Variants in PLAT observed in about 807,000 individuals in gnomAD.
PLAT encodes plasminogen activator, tissue type, also known as tissue-type plasminogen activator.
Under a neutral mutation model 74.9 loss-of-function variants are expected in PLAT, and 48 were observed. The observed-to-expected ratio is 0.64, with a 90% CI of 0.51 to 0.82. The LOEUF (loss-of-function observed/expected upper bound fraction) is 0.82, where lower values mean the gene tolerates loss of function less well. Among genes scored for constraint, PLAT ranks in the 40% least tolerant of loss-of-function variants. The pLI, the probability that PLAT is intolerant of heterozygous loss-of-function variation, is 0.00. For missense variants in PLAT, 673 were observed against 736.2 expected (o/e 0.91, Z 0.99); for synonymous variants, 307 against 294.4 (o/e 1.04, Z -0.44).
At chr8:42,201,779 A>C (rs1316333814) in intron 1 of PLAT, among the ~76,000 whole-genome samples, 1 of 152,256 alleles carries the variant, frequency 6.6e-6, no homozygotes, top group African/African-American at 2.4e-5. Flanking sequence ...CTGAGACATC[A>C]GGCCATCTCT....
intron 7 of PLAT, among the ~76,000 whole-genome samples, chr8:42,184,543 A>G (rs1805374679): frequency 6.6e-6 from 1 of 151,532 alleles, no homozygotes; most frequent in South Asian, 2.1e-4. Flanking sequence ...TATTTTTAGT[A>G]GAGACAGGGT....
chr8:42,186,859 A>G (rs1805487546), intron 6 of PLAT: 1 of 144,786 alleles, frequency 6.9e-6, no homozygotes, highest in Non-Finnish European at 1.5e-5. Flanking sequence ...TCTATCACCT[A>G]TCATCTATCA....
At chr8:42,187,844 G>C (rs1312266930) in intron 5 of PLAT, 62 bp downstream of exon 5, 1 of 1,173,114 alleles carries the variant, frequency 8.5e-7, no homozygotes, top group Non-Finnish European at 1.3e-6. Context: ...CTTTCCTTCC[G>C]GGGGCGGGGG....
chr8:42,205,917 T>C (rs1806313904), intron 1 of PLAT, among the ~76,000 whole-genome samples: 1 of 152,230 alleles, frequency 6.6e-6, no homozygotes, highest in South Asian at 2.1e-4. Flanking sequence ...GCCTGACTGT[T>C]TTTTGGAATC....
rs777001661 is a variant in PLAT at position 42,178,970 on chromosome 8, A to G, written c.1457T>C (p.Val486Ala). 3.7e-6 allele frequency: 6 copies of G among 1,613,996 alleles called. No homozygotes were observed. Among genetic ancestry groups the G allele is most frequent in the Admixed American group, 1.7e-5 (1 of 60,010 alleles). Residue 486 changes from valine to alanine, a missense_variant, in exon 13 of 14, where the codon GTC becomes GCC. Physicochemically the swap from Val to Ala is moderately conservative, Grantham distance 64 (BLOSUM62 0). Transcript: ENST00000220809. ...CTSQHLLNRTVTDNMLCAGDT... is the reference protein window; with the variant it reads ...CTSQHLLNRTATDNMLCAGDT... ...TCCAGCACACAGCATGTTGTCGGTG[A>G]CTGTTCTGTTAAGTAAATGTTGTGA...
chr8:42,198,327 T>TA (rs1805997236), intron 1 of PLAT, among the ~76,000 whole-genome samples: 1 of 152,106 alleles, frequency 6.6e-6, no homozygotes, highest in Non-Finnish European at 1.5e-5. Context: ...CCATCTCTAC[T>TA]AAAAATACAA....
chr8:42,185,257 T>G (rs2129732161), intron 6 of PLAT, 85 bp from the exon 7 acceptor site: 2 of 746,634 alleles, frequency 2.7e-6, no homozygotes, highest in South Asian at 3.9e-5. Context: ...TATCCTTTTC[T>G]GGAGGAATGG....
At chr8:42,206,031 C>T (rs1806318104) in intron 1 of PLAT, among the ~76,000 whole-genome samples, 1 of 152,208 alleles carries the variant, frequency 6.6e-6, no homozygotes, top group Admixed American at 6.5e-5. Context: ...CTGCTATTCC[C>T]AGCTATTCCC....
chr8:42,190,825 C>G (rs8178739), intron 3 of PLAT, among the ~76,000 whole-genome samples: 21 of 152,176 alleles, frequency 1.4e-4, no homozygotes, highest in African/African-American at 4.6e-4. Context: ...CCCACCATGT[C>G]GAGGGGTTGC....
At chr8:42,180,425 C>G (rs372549798) in intron 10 of PLAT, 47 bp from the exon 11 acceptor site, 7 of 1,613,928 alleles carry the variant, frequency 4.3e-6, no homozygotes, top group Non-Finnish European at 5.9e-6. Context: ...GTGGGATTTC[C>G]CCTAAAGGGC....
intron 3 of PLAT, among the ~76,000 whole-genome samples, chr8:42,190,153 T>C (rs971093302): frequency 3.9e-4 from 59 of 152,102 alleles, no homozygotes; most frequent in African/African-American, 1.4e-3. Flanking sequence ...ATGCTGGTCT[T>C]GAACTCCTGG....
chr8:42,180,176 A>C, intron 11 of PLAT, 66 bp downstream of exon 11: 1 of 1,601,534 alleles, frequency 6.2e-7, no homozygotes, highest in Admixed American at 1.7e-5. Context: ...GTGTAAACAT[A>C]GGTGAGTGCA....
At chr8:42,201,632 C>T (rs979172102) in intron 1 of PLAT, among the ~76,000 whole-genome samples, 2 of 152,158 alleles carry the variant, frequency 1.3e-5, no homozygotes, top group Non-Finnish European at 1.5e-5. Context: ...CAACAGGAGC[C>T]ATTATTTCCT....
chr8:42,194,214 CTGAG>C (rs1805807062), intron 1 of PLAT, among the ~76,000 whole-genome samples: 1 of 109,402 alleles, frequency 9.1e-6, no homozygotes, highest in South Asian at 2.8e-4. Flanking sequence ...CTGTGCCTGG[CTGAG>C]AGAGAGAGAG....
chr8:42,192,769 T>C (rs1175061401), intron 2 of PLAT, among the ~76,000 whole-genome samples: 2 of 152,092 alleles, frequency 1.3e-5, no homozygotes, highest in Admixed American at 1.3e-4. Flanking sequence ...AAATACCCCA[T>C]AGATATGAGG....
chr8:42,196,180 C>T (rs554172438), intron 1 of PLAT, among the ~76,000 whole-genome samples: 6 of 152,306 alleles, frequency 3.9e-5, no homozygotes, highest in African/African-American at 1.4e-4. Context: ...AGGAGAAGCA[C>T]GACCTAGGGC....
At position 42,178,909 on chromosome 8, in the gene PLAT, G is replaced by T. The variant is rs184239040; in HGVS notation, c.1518C>A (p.His506Gln). Reference protein sequence around the residue: ...TRSGGPQANLHDACQGDSGGP... With the variant: ...TRSGGPQANLQDACQGDSGGP... ...CACTCCTGGTTACCTGGCAGGCGTC[G>T]TGCAAGTTTGCCTGGGGCCCGCCGC... is the stretch of plus-strand genomic sequence containing the variant. Residue 506 changes from histidine (H) to glutamine (Q), a missense_variant, in exon 13 of 14, where the codon CAC becomes CAA. Transcript: ENST00000220809. 6 of 1,613,222 alleles carry T rather than the reference G, an allele frequency of 3.7e-6. No individual in the cohort carries two copies. The highest frequency in any genetic ancestry group is 2.2e-5 in the South Asian group (2 of 91,052).
chr8:42,183,204 T>C (rs1805321428), intron 7 of PLAT, among the ~76,000 whole-genome samples: 1 of 152,188 alleles, frequency 6.6e-6, no homozygotes, highest in African/African-American at 2.4e-5. Flanking sequence ...GGTTTCACCA[T>C]GTTGGCCAGG....
chr8:42,179,069 A>G lies in PLAT; in HGVS notation c.1364-6T>C, dbSNP rs760600716. The G allele has an allele frequency of 3.7e-6, 6 of 1,603,806 alleles. No homozygotes were observed. The highest frequency in any genetic ancestry group is 5.1e-6 in the Non-Finnish European group (6 of 1,173,442). On this transcript the variant is annotated splice_polypyrimidine_tract_variant and splice_region_variant and intron_variant, in intron 12 of 13. Transcript: ENST00000220809. ...CTCCGAATAGAAAGGAGACACTGAA[A>G]GGGGAGAACCATCATATGGTTTTAG...
Sources: allele counts gnomAD v4.1 joint callset (sites outside exome capture counted in the v4.1 genomes callset), GRCh38; gene constraint gnomAD v4.1.1; transcripts MANE v1.5; gene names NCBI Gene and HGNC (gene_info 2026-07-23, HGNC 2026-07-21).